RBFOX2: variants seen among roughly 807,000 people sequenced by gnomAD.
The protein encoded by RBFOX2 is RNA binding protein fox-1 homolog 2.
Under a neutral mutation model 49.1 loss-of-function variants are expected in RBFOX2, and 10 were observed. The observed-to-expected ratio is 0.20, with a 90% CI of 0.13 to 0.35. RBFOX2 has a LOEUF of 0.35. Among genes scored for constraint, RBFOX2 ranks in the 10% least tolerant of loss-of-function variants. RBFOX2 has a pLI of 1.00. For synonymous variants in RBFOX2, 183 were observed against 187.4 expected, an observed-to-expected ratio of 0.98 and a Z score of 0.19; for missense variants, 323 against 486.9, an observed-to-expected ratio of 0.66 and a Z score of 3.17.
At chr22:35,948,769 AT>A (rs1262770221) in intron 1 of RBFOX2, among the ~76,000 whole-genome samples, 1 of 152,210 alleles carries the variant, frequency 6.6e-6, no homozygotes, top group African/African-American at 2.4e-5. Flanking sequence ...AGATCATACT[AT>A]AAATATTCTT....
intron 5 of RBFOX2, among the ~76,000 whole-genome samples, chr22:35,767,410 G>T (rs999320028): frequency 1.3e-5 from 2 of 152,100 alleles, no homozygotes; most frequent in Non-Finnish European, 2.9e-5. Flanking sequence ...AGTTACCATG[G>T]AAAGAGTGAG....
chr22:35,994,688 G>T (rs377761961), intron 1 of RBFOX2: 39 of 152,170 alleles, frequency 2.6e-4, no homozygotes, highest in African/African-American at 8.2e-4. Context: ...TTACAAGCGT[G>T]AGGTACCATG....
chr22:35,757,355 T>C (rs1337386916), intron 9 of RBFOX2, among the ~76,000 whole-genome samples: 1 of 151,960 alleles, frequency 6.6e-6, no homozygotes, highest in Non-Finnish European at 1.5e-5. Context: ...CCAAAGGACA[T>C]GGAATAGCAG....
chr22:35,922,422 T>C (rs2051136799), intron 1 of RBFOX2, among the ~76,000 whole-genome samples: 1 of 151,312 alleles, frequency 6.6e-6, no homozygotes, highest in South Asian at 2.1e-4. Flanking sequence ...CTACTAAAAA[T>C]ACAAAAATTA....
intron 1 of RBFOX2, among the ~76,000 whole-genome samples, chr22:35,914,493 G>A (rs1297942999): frequency 6.6e-6 from 1 of 152,140 alleles, no homozygotes; most frequent in African/African-American, 2.4e-5. Context: ...GCAGAATTGG[G>A]GCTAAAAGCC....
intron 4 of RBFOX2, 26 bp downstream of exon 5, chr22:35,777,993 TCAAGCA>T: frequency 6.4e-7 from 1 of 1,569,576 alleles, no homozygotes; most frequent in African/African-American, 1.4e-5. Flanking sequence ...CAAAAAGAAA[TCAAGCA>T]CACTTGACAC....
rs369837037 is a variant in RBFOX2 at position 35,765,526 on chromosome 22, C to T, written c.547-43G>A. 5.5e-6 allele frequency: 7 copies of T among 1,274,878 alleles called. No homozygotes were observed. In the South Asian group the frequency reaches 6.7e-5, roughly 12 times the overall value. 79.0% of individuals were successfully genotyped at this position (1,274,878 alleles called of 1,614,324 possible). ...AAAAAAGGGCAGGGAAGAAGTGGAC[C>T]ACATTAGGGAACATAAAGTTGCACA... On this transcript the variant is annotated intron_variant, in intron 5 of 11. Transcript: ENST00000405409.
At chr22:35,935,926 A>T (rs1436266932) in intron 1 of RBFOX2, among the ~76,000 whole-genome samples, 1 of 152,200 alleles carries the variant, frequency 6.6e-6, no homozygotes, top group Admixed American at 6.5e-5. Context: ...TAAGATGAGA[A>T]AATACAATGA....
chr22:35,884,586 G>C (rs7286530), intron 1 of RBFOX2, among the ~76,000 whole-genome samples: 9,131 of 152,226 alleles, frequency 0.06, 977 homozygotes, highest in African/African-American at 0.21. Context: ...TAACAGTGTA[G>C]GGGCTCTGAG....
intron 1 of RBFOX2, among the ~76,000 whole-genome samples, chr22:35,906,419 C>T (rs1265566846): frequency 6.6e-6 from 1 of 152,164 alleles, no homozygotes; most frequent in African/African-American, 2.4e-5. Context: ...AATGTATAAT[C>T]TAATGACTTA....
chr22:35,762,156 C>T (rs1939127696), intron 6 of RBFOX2, among the ~76,000 whole-genome samples: 1 of 152,084 alleles, frequency 6.6e-6, no homozygotes, highest in South Asian at 2.1e-4. Context: ...CTAAAGAACA[C>T]CAGAATACTG....
intron 1 of RBFOX2, among the ~76,000 whole-genome samples, chr22:35,914,846 C>T (rs2050230087): frequency 6.6e-6 from 1 of 152,172 alleles, no homozygotes; most frequent in Non-Finnish European, 1.5e-5. Context: ...GAACACTTGA[C>T]CACCAAACTT....
upstream of RBFOX2, among the ~76,000 whole-genome samples, chr22:35,844,502 CT>C (rs888479321): frequency 1.2e-4 from 18 of 148,808 alleles, no homozygotes; most frequent in African/African-American, 2.7e-4. Flanking sequence ...ATTTACTTCA[CT>C]TTTTTTTTTG....
intron 4 of RBFOX2, among the ~76,000 whole-genome samples, 190 bp from the exon 6 acceptor site, chr22:35,768,539 G>T (rs991002492): frequency 2.0e-5 from 3 of 151,902 alleles, no homozygotes; most frequent in African/African-American, 7.3e-5. Flanking sequence ...AAAGAATAAA[G>T]AACTGTAATA....
At chr22:35,755,898 T>C (rs531042792) in intron 9 of RBFOX2, among the ~76,000 whole-genome samples, 36 of 151,806 alleles carry the variant, frequency 2.4e-4, no homozygotes, top group Non-Finnish European at 4.7e-4. Context: ...AGGCTTAGTT[T>C]TTGCACCCAG....
intron 1 of RBFOX2, among the ~76,000 whole-genome samples, chr22:35,976,438 A>AC (rs1246221873): frequency 6.6e-6 from 1 of 151,386 alleles, no homozygotes; most frequent in East Asian, 1.9e-4. Flanking sequence ...CAAGATCTCC[A>AC]CCTCCCTCAA....
chr22:35,855,199 A>T (rs1379846639), intron 1 of RBFOX2, among the ~76,000 whole-genome samples: 1 of 152,226 alleles, frequency 6.6e-6, no homozygotes, highest in Non-Finnish European at 1.5e-5. Flanking sequence ...AAAATTCTAG[A>T]AATAAAAAGA....
chr22:35,961,468 T>G, intron 1 of RBFOX2: 1 of 1,254,952 alleles, frequency 8.0e-7, no homozygotes, highest in Non-Finnish European at 1.1e-6. Context: ...CCGACCTCTC[T>G]GCTTGAACTG....
intron 1 of RBFOX2, among the ~76,000 whole-genome samples, chr22:35,936,436 A>G (rs1362419603): frequency 2.0e-5 from 3 of 152,144 alleles, no homozygotes; most frequent in Admixed American, 2.0e-4. Flanking sequence ...CTCAAAACGC[A>G]AAGTGAGAGT....
Sources: gnomAD v4.1 joint callset for allele counts (sites outside exome capture counted in the v4.1 genomes callset) on GRCh38, gnomAD v4.1.1 for gene constraint, MANE v1.5 for transcripts, NCBI Gene and HGNC (gene_info 2026-07-23, HGNC 2026-07-21) for gene names.